Variants in BICDL1 observed in about 807,000 individuals in gnomAD.
The protein encoded by BICDL1 is BICD family like cargo adaptor 1, also known as BICD family-like cargo adapter 1.
In BICDL1, 20 loss-of-function variants were observed where a neutral mutation model predicts 76.8. That is an observed-to-expected ratio of 0.26 (90% CI 0.18 to 0.38). The LOEUF (loss-of-function observed/expected upper bound fraction) is 0.38. Ranked by LOEUF, BICDL1 falls within the 10% of genes least tolerant of loss-of-function variation. The pLI is 1.00. For missense variants in BICDL1, 700 were observed against 798.6 expected (o/e 0.88, Z 1.49); for synonymous variants, 383 against 337.1 (o/e 1.14, Z -1.49).
chr12:120,067,826 G>A (rs1354721621), intron 4 of BICDL1, among the ~76,000 whole-genome samples: 1 of 152,198 alleles, frequency 6.6e-6, no homozygotes, highest in East Asian at 1.9e-4. Flanking sequence ...TGTGCCAAAT[G>A]CTTCCTAGGA....
chr12:120,033,533 C>T (rs1387483708), intron 2 of BICDL1, among the ~76,000 whole-genome samples: 3 of 151,718 alleles, frequency 2.0e-5, no homozygotes, highest in Non-Finnish European at 4.4e-5. Flanking sequence ...CCCGCCTCCA[C>T]GCCCGGCTAA....
chr12:120,090,083 C>A lies in BICDL1; in HGVS notation c.1704+12C>A, dbSNP rs753561036. 2 of 1,613,260 alleles carry A rather than the reference C, an allele frequency of 1.2e-6. No homozygotes were observed. The highest frequency in any genetic ancestry group is 4.5e-5 in the East Asian group (2 of 44,890). On this transcript the variant is annotated intron_variant, in intron 9 of 9. Coordinates refer to ENST00000548673, the MANE Select transcript of BICDL1 (RefSeq NM_001367886.1). ...TGGAAGCTTGGCAGGTAAACTGGAG[C>A]CTGAGATCCAGGGCGAGAGGAGACT...
At chr12:120,018,206 G>C (rs1282666058) in intron 2 of BICDL1, among the ~76,000 whole-genome samples, 1 of 152,156 alleles carries the variant, frequency 6.6e-6, no homozygotes, top group Non-Finnish European at 1.5e-5. Flanking sequence ...TGTGATCTGG[G>C]CATCTAGATT....
At chr12:120,066,411 A>G (rs1300303872) in intron 4 of BICDL1, among the ~76,000 whole-genome samples, 1 of 152,218 alleles carries the variant, frequency 6.6e-6, no homozygotes, top group Non-Finnish European at 1.5e-5. Flanking sequence ...TTCAGCATGA[A>G]TTTATAGTGA....
At chr12:120,045,623 C>T (rs1952732096) in intron 2 of BICDL1, among the ~76,000 whole-genome samples, 1 of 151,746 alleles carries the variant, frequency 6.6e-6, no homozygotes, top group African/African-American at 2.4e-5. Flanking sequence ...TTTGTAGGGA[C>T]ATGGATGAAA....
rs1398637415 is a variant in BICDL1 at position 119,989,347 on chromosome 12, G to T, written c.-522G>T. On this transcript the variant is annotated 5_prime_UTR_variant, in exon 1 of 10. Coordinates refer to ENST00000548673, the MANE Select transcript of BICDL1 (RefSeq NM_001367886.1). ...TGCTGCTGGGGCTGCCGCGGAGCCG[G>T]GGGTCATGGAGTGCGGCTGCAGAGA... 6.6e-6 allele frequency among the ~76,000 whole-genome samples: 1 copy of T among 150,908 alleles called. No homozygotes were observed. The highest frequency in any genetic ancestry group is 1.5e-5 in the Non-Finnish European group (1 of 67,604).
intron 8 of BICDL1, among the ~76,000 whole-genome samples, chr12:120,081,320 T>C (rs11065014): frequency 0.33 from 49,217 of 148,692 alleles, 10,972 homozygotes; most frequent in African/African-American, 0.63. Flanking sequence ...ATGTCTTGCC[T>C]TTTTGCACTT....
At chr12:120,036,598 A>G (rs1162905784) in intron 2 of BICDL1, among the ~76,000 whole-genome samples, 1 of 152,156 alleles carries the variant, frequency 6.6e-6, no homozygotes, top group Non-Finnish European at 1.5e-5. Flanking sequence ...ATCTTAGGTC[A>G]GGCACAGTGG....
chr12:120,010,995 G>A (rs948340939), intron 2 of BICDL1, among the ~76,000 whole-genome samples: 4 of 152,128 alleles, frequency 2.6e-5, no homozygotes, highest in Non-Finnish European at 5.9e-5. Context: ...AGTTTTATTC[G>A]TTAATACTGA....
At chr12:120,064,945 A>T in intron 4 of BICDL1, 66 bp downstream of exon 4, 1 of 1,520,040 alleles carries the variant, frequency 6.6e-7, no homozygotes, top group Non-Finnish European at 8.8e-7. Flanking sequence ...AGCCAAAAAG[A>T]AAAGGCTGGG....
chr12:120,074,558 TAG>T lies in BICDL1; in HGVS notation c.1426_1427del (p.Glu476ArgfsTer31). On this transcript the variant is annotated frameshift_variant, in exon 7 of 10. Coordinates refer to ENST00000548673, the MANE Select transcript of BICDL1 (RefSeq NM_001367886.1). LOFTEE classifies it high-confidence loss of function. Reference sequence around the variant, plus strand: ...GAGAGGGGTAAACTGAGGCAAAGCCTAGAAGAGCTGCAGCGACTCCACAGTCA... The same window carrying T: ...GAGAGGGGTAAACTGAGGCAAAGCCTAAGAGCTGCAGCGACTCCACAGTCA... The T allele has an allele frequency of 8.0e-7, 1 of 1,257,346 alleles. No homozygotes were observed. The highest frequency in any genetic ancestry group is 1.3e-5 in the South Asian group (1 of 76,124). 77.9% of individuals were successfully genotyped at this position (1,257,346 alleles called of 1,614,324 possible). A position where few individuals can be genotyped will look rare whatever the true frequency, so the allele number is the denominator to read the frequency against.
intron 2 of BICDL1, among the ~76,000 whole-genome samples, chr12:120,013,439 AGT>A (rs35499277): frequency 0.32 from 43,374 of 134,458 alleles, 7,044 homozygotes; most frequent in Non-Finnish European, 0.39. Flanking sequence ...CTTTAACCAG[AGT>A]GTGTGTGTGT....
intron 2 of BICDL1, among the ~76,000 whole-genome samples, chr12:120,023,452 C>A (rs1952223591): frequency 6.6e-6 from 1 of 152,106 alleles, no homozygotes; most frequent in African/African-American, 2.4e-5. Context: ...ATATTGAACA[C>A]CTAACATGGT....
intron 2 of BICDL1, among the ~76,000 whole-genome samples, chr12:120,001,997 A>C (rs954618277): frequency 2.6e-5 from 4 of 152,168 alleles, no homozygotes; most frequent in Admixed American, 2.6e-4. Flanking sequence ...ACACCACTGC[A>C]CTGCAGCCTG....
rs768546649 is a variant in BICDL1 at position 119,990,117 on chromosome 12, G to A, written c.249G>A (p.Leu83=). ...ACCCTCAGGCCGAGCCTGGGTCTCT[G>A]GCCGAGGGGGCCGGACCGCAGCCGC... ...GEHPQAEPGS[L]AEGAGPQPPP... The change falls in exon 1 of 10, where the codon CTG becomes CTA. Residue 83 remains leucine (L), a synonymous_variant. Coordinates refer to ENST00000548673, the MANE Select transcript of BICDL1 (RefSeq NM_001367886.1). 6.5e-6 allele frequency: 10 copies of A among 1,549,596 alleles called. No homozygotes were observed. Among genetic ancestry groups the A allele is most frequent in the Middle Eastern group, 1.8e-4 (1 of 5,620 alleles).
At chr12:120,033,492 T>C (rs1952470788) in intron 2 of BICDL1, among the ~76,000 whole-genome samples, 1 of 148,744 alleles carries the variant, frequency 6.7e-6, no homozygotes, top group South Asian at 2.2e-4. Context: ...TTCTCCCACC[T>C]CAGCCTCCCA....
rs1566203383 is a variant in BICDL1, at chr12:119,998,571, A to G, written c.480A>G (p.Glu160=). Residue 160 remains glutamate (E), a synonymous_variant, in exon 2 of 10, where the codon GAA becomes GAG. Transcript: ENST00000548673. ...TGAGAAGACGATTTGAGAACCGAGA[A>G]GGGGAGTGGGAAGGCCGAGTGTCAG... ...HELRRRFENR[E]GEWEGRVSEL... The G allele has an allele frequency of 1.2e-6, 2 of 1,613,702 alleles. No individual in the cohort carries two copies. The highest frequency in any genetic ancestry group is 1.3e-5 in the African/African-American group (1 of 75,000).
Position 119,989,907 on chromosome 12 carries a change from A to T in BICDL1, c.39A>T (p.Ser13=). 4 of 1,451,976 alleles carry T rather than the reference A, an allele frequency of 2.8e-6. No individual in the cohort carries two copies. Among genetic ancestry groups the T allele is most frequent in the Non-Finnish European group, 3.6e-6 (4 of 1,114,386 alleles). 89.9% of individuals were successfully genotyped at this position (1,451,976 alleles called of 1,614,324 possible). A position where few individuals can be genotyped will look rare whatever the true frequency, so the allele number is the denominator to read the frequency against. The change falls in exon 1 of 10, where the codon TCA becomes TCT. Residue 13 remains serine (S), a synonymous_variant. Transcript: ENST00000548673. The stretch of plus-strand genomic sequence containing the variant: ...GCCTGGGCTTGGTCGGCCGCGCTTC[A>T]GCACCCGCCGAGCCGGACAGCGCCT... ...AFCLGLVGRA[S]APAEPDSACC...
In BICDL1 at chr12:120,079,826, C is replaced by T. The variant is rs1873831121; in HGVS notation, c.1453-1061C>T. Reference sequence around the variant, plus strand: ...AAACTGCCGCCCTTGTCACTAATTCCTCCCTCGCCTGGGGCTTTGCTGTGC... The same window carrying T: ...AAACTGCCGCCCTTGTCACTAATTCTTCCCTCGCCTGGGGCTTTGCTGTGC... On this transcript the variant is annotated intron_variant, in intron 7 of 9. Coordinates refer to ENST00000548673, the MANE Select transcript of BICDL1 (RefSeq NM_001367886.1). The surrounding 1 kb of genome is among the most constrained non-coding windows in gnomAD (Gnocchi z 4.3). Among the ~76,000 whole-genome samples the T allele has an allele frequency of 6.6e-6, 1 of 152,228 alleles. No homozygotes were observed. Among genetic ancestry groups the T allele is most frequent in the Non-Finnish European group, 1.5e-5 (1 of 68,034 alleles).
Sources: allele counts gnomAD v4.1 joint callset (sites outside exome capture counted in the v4.1 genomes callset), GRCh38; gene constraint gnomAD v4.1.1; non-coding constraint Gnocchi (gnomAD v3.1); transcripts MANE v1.5; gene names NCBI Gene and HGNC (gene_info 2026-07-23, HGNC 2026-07-21).